PRR16: variants seen among roughly 807,000 people sequenced by gnomAD.
The protein encoded by PRR16 is proline rich 16, also known as protein Largen.
PRR16 carries 6 observed loss-of-function variants against 18.2 expected under a neutral mutation model. The observed-to-expected ratio is 0.33, with a 90% CI of 0.18 to 0.65. The LOEUF is 0.65. Ranked by LOEUF, PRR16 falls within the 30% of genes least tolerant of loss-of-function variation. PRR16 has a pLI of 0.74. For synonymous variants in PRR16, 151 were observed against 147.8 expected, an observed-to-expected ratio of 1.02 and a Z score of -0.16; for missense variants, 412 against 376.6, an observed-to-expected ratio of 1.09 and a Z score of -0.78.
At chr5:120,771,171 T>A in the PRR16 span, among the ~76,000 whole-genome samples, 1 of 152,094 alleles carries the variant, frequency 6.6e-6, no homozygotes, top group Non-Finnish European at 1.5e-5. Context: ...TGATAATACA[T>A]GAACCATCTT....
chr5:120,474,697 C>T (rs1749383032), intron 1 of PRR16, among the ~76,000 whole-genome samples: 1 of 152,068 alleles, frequency 6.6e-6, no homozygotes, highest in Non-Finnish European at 1.5e-5. Context: ...TTTCCATCCA[C>T]CACTTCCATT....
At chr5:120,526,658 C>T (rs923297864) in intron 1 of PRR16, among the ~76,000 whole-genome samples, 33 of 152,152 alleles carry the variant, frequency 2.2e-4, no homozygotes, top group African/African-American at 6.5e-4. Context: ...TCTGGAAGTG[C>T]AATAGTTGGT....
intron 1 of PRR16, among the ~76,000 whole-genome samples, chr5:120,638,272 A>G (rs1755305416): frequency 6.6e-6 from 1 of 152,112 alleles, no homozygotes; most frequent in African/African-American, 2.4e-5. Flanking sequence ...TTTTTAGATT[A>G]AGGATGCCCA....
chr5:120,671,591 A>G (rs899561221), intron 1 of PRR16, among the ~76,000 whole-genome samples: 2 of 152,198 alleles, frequency 1.3e-5, no homozygotes, highest in Non-Finnish European at 2.9e-5. Context: ...AATAAAGTAT[A>G]ATTTACTAAA....
chr5:120,537,816 G>A (rs1190867223), intron 1 of PRR16, among the ~76,000 whole-genome samples: 3 of 122,970 alleles, frequency 2.4e-5, no homozygotes, highest in Non-Finnish European at 4.7e-5. Context: ...TCGCTCTGTC[G>A]CCCAGGCTGG....
intron 1 of PRR16, among the ~76,000 whole-genome samples, chr5:120,635,281 C>T (rs1210096992): frequency 6.6e-6 from 1 of 151,918 alleles, no homozygotes; most frequent in Non-Finnish European, 1.5e-5. Flanking sequence ...CCAATATCAC[C>T]CTAATACCAA....
the PRR16 span, among the ~76,000 whole-genome samples, chr5:120,703,885 C>T: frequency 2.0e-5 from 3 of 152,002 alleles, no homozygotes; most frequent in African/African-American, 7.2e-5. Context: ...AAATAGCTGT[C>T]GATTATGTAA....
intron 1 of PRR16, among the ~76,000 whole-genome samples, chr5:120,656,275 T>G (rs1408939045): frequency 6.6e-6 from 1 of 151,878 alleles, no homozygotes; most frequent in East Asian, 1.9e-4. Flanking sequence ...GTAGTTAGCT[T>G]GTATAGCTAA....
intron 1 of PRR16, among the ~76,000 whole-genome samples, chr5:120,518,539 G>A (rs986017843): frequency 2.6e-5 from 4 of 151,188 alleles, no homozygotes; most frequent in Non-Finnish European, 4.4e-5. Context: ...GTGTTTGTGA[G>A]TTGAAAGGCT....
the PRR16 span, among the ~76,000 whole-genome samples, chr5:120,775,796 AT>A: frequency 0.059 from 4,723 of 80,648 alleles, 69 homozygotes; most frequent in African/African-American, 0.11. Flanking sequence ...ACGCCTGGCT[AT>A]TTTTTTTTTT....
At chr5:120,617,810 T>A (rs1479063544) in intron 1 of PRR16, among the ~76,000 whole-genome samples, 1 of 152,170 alleles carries the variant, frequency 6.6e-6, no homozygotes, top group Admixed American at 6.6e-5. Flanking sequence ...ATAATCTTGG[T>A]TATGCCATAT....
chr5:120,680,675 C>T (rs1409150100), intron 1 of PRR16, among the ~76,000 whole-genome samples: 1 of 152,076 alleles, frequency 6.6e-6, no homozygotes, highest in Non-Finnish European at 1.5e-5. Flanking sequence ...TGCATAAGTT[C>T]CAATTATAGA....
chr5:120,569,190 A>T (rs7731650), intron 1 of PRR16, among the ~76,000 whole-genome samples: 150,414 of 152,284 alleles, frequency 0.99, 74,307 homozygotes, highest in East Asian at 1. Flanking sequence ...ACAGACTTTT[A>T]ACCAATTGTT....
At chr5:120,670,490 A>G (rs1419147053) in intron 1 of PRR16, among the ~76,000 whole-genome samples, 1 of 152,148 alleles carries the variant, frequency 6.6e-6, no homozygotes, top group African/African-American at 2.4e-5. Flanking sequence ...CTGCATCCCC[A>G]TGACAGTGAG....
chr5:120,537,226 A>T (rs1751746974), intron 1 of PRR16, among the ~76,000 whole-genome samples: 1 of 152,236 alleles, frequency 6.6e-6, no homozygotes, highest in South Asian at 2.1e-4. Flanking sequence ...TAAAAATCCC[A>T]GAAGAACATT....
intron 1 of PRR16, among the ~76,000 whole-genome samples, chr5:120,548,965 G>A (rs1462783760): frequency 6.5e-5 from 1 of 15,492 alleles, no homozygotes; most frequent in African/African-American, 1.8e-4. Flanking sequence ...TTTCATGCAT[G>A]TACACACACA....
chr5:120,597,067 T>C (rs1263218302), intron 1 of PRR16, among the ~76,000 whole-genome samples: 1 of 151,678 alleles, frequency 6.6e-6, no homozygotes, highest in Non-Finnish European at 1.5e-5. Context: ...GTAATGAATG[T>C]TTATTTCTTG....
the PRR16 span, among the ~76,000 whole-genome samples, chr5:120,773,666 C>A: frequency 6.6e-6 from 1 of 151,998 alleles, no homozygotes; most frequent in Non-Finnish European, 1.5e-5. Flanking sequence ...ATGGCTATCT[C>A]TCTGCCAGAC....
the PRR16 span, among the ~76,000 whole-genome samples, chr5:120,720,449 G>A: frequency 6.6e-6 from 1 of 151,912 alleles, no homozygotes. Flanking sequence ...CCTCTCACAT[G>A]CTTTAATTCT....
Sources: allele counts gnomAD v4.1 joint callset (sites outside exome capture counted in the v4.1 genomes callset), GRCh38; gene constraint gnomAD v4.1.1; transcripts MANE v1.5; gene names NCBI Gene and HGNC (gene_info 2026-07-23, HGNC 2026-07-21).